Variants in BCLAF1 observed in about 807,000 individuals in gnomAD.
The protein encoded by BCLAF1 is BCL2 associated transcription factor 1, also known as bcl-2-associated transcription factor 1.
BCLAF1 carries 10 observed loss-of-function variants against 99.5 expected under a neutral mutation model. That is an observed-to-expected ratio of 0.10 (90% CI 0.06 to 0.17). The LOEUF (loss-of-function observed/expected upper bound fraction) is 0.17, where lower values mean the gene tolerates loss of function less well. Ranked by LOEUF, BCLAF1 falls within the 10% of genes least tolerant of loss-of-function variation. The pLI is 1.00. For synonymous variants in BCLAF1, 255 were observed against 370.9 expected, an observed-to-expected ratio of 0.69 and a Z score of 3.59; for missense variants, 636 against 1,105.8, an observed-to-expected ratio of 0.58 and a Z score of 6.02.
At chr6:136,277,428 C>A (rs1284351302) in intron 4 of BCLAF1, among the ~76,000 whole-genome samples, 1 of 152,168 alleles carries the variant, frequency 6.6e-6, no homozygotes, top group East Asian at 1.9e-4. Flanking sequence ...CAACATATAT[C>A]ATTTAGTTAT....
Position 136,282,686 on chromosome 6 carries a change from TC to T in BCLAF1, c.-114del, listed in dbSNP as rs1784536480. On this transcript the variant is annotated splice_region_variant and 5_prime_UTR_variant, in exon 2 of 13. Coordinates refer to ENST00000531224, the MANE Select transcript of BCLAF1 (RefSeq NM_014739.3). ...GAGAAATTAAACTCTAAATTCGAAT[TC>T]CTAGCAAAGACAAAAAAACCATTAT... 6.6e-6 allele frequency: 1 copy of T among 152,168 alleles called. No homozygotes were observed. The highest frequency in any genetic ancestry group is 1.5e-5 in the Non-Finnish European group (1 of 68,024). 9.4% of individuals were successfully genotyped at this position (152,168 alleles called of 1,614,324 possible).
At chr6:136,264,108 C>T (rs1253571460) in intron 11 of BCLAF1, among the ~76,000 whole-genome samples, 1 of 152,076 alleles carries the variant, frequency 6.6e-6, no homozygotes, top group African/African-American at 2.4e-5. Context: ...AATAATGGCC[C>T]CAACTCAAAA....
rs1242722909 is a variant in BCLAF1, at chr6:136,284,128, G to GTATATATATATA, written c.-114-1442_-114-1441insTATATATATATA. On this transcript the variant is annotated intron_variant, in intron 1 of 12. Coordinates refer to ENST00000531224, the MANE Select transcript of BCLAF1 (RefSeq NM_014739.3). ...TATATACATATATATGTGTGTGTGT[G>GTATATATATATA]TGTATATATATATATATATATATAT... 6.4e-3 allele frequency among the ~76,000 whole-genome samples: 523 copies of GTATATATATATA among 81,208 alleles called. 5 individuals carry two copies. Among genetic ancestry groups the GTATATATATATA allele is most frequent in the African/African-American group, 0.022 (478 of 22,052 alleles). 53.3% of individuals were successfully genotyped at this position (81,208 alleles called of 152,430 possible).
At chr6:136,288,348 G>C (rs1785448071) in intron 1 of BCLAF1, among the ~76,000 whole-genome samples, 1 of 152,146 alleles carries the variant, frequency 6.6e-6, no homozygotes, top group African/African-American at 2.4e-5. Flanking sequence ...AACTCCCGCC[G>C]AGGGGCCACT....
intron 6 of BCLAF1, among the ~76,000 whole-genome samples, chr6:136,275,042 A>T (rs1404901967): frequency 6.6e-6 from 1 of 152,056 alleles, no homozygotes; most frequent in Non-Finnish European, 1.5e-5. Context: ...ATTTTTATGT[A>T]TAAAAAATTA....
rs541023619 is a variant in BCLAF1 at position 136,264,275 on chromosome 6, T to C, written c.2544+2754A>G. 2.0e-5 allele frequency among the ~76,000 whole-genome samples: 3 copies of C among 152,276 alleles called. No individual in the cohort carries two copies. The South Asian group carries it at 6.2e-4, about 32-fold the overall frequency. On this transcript the variant is annotated intron_variant, in intron 11 of 12. Transcript: ENST00000531224. Reference sequence around the variant, plus strand: ...AGGCTGGAGTATAATGGCGCAACCTTGGCTCACTGCAACCTCCACCACTTG... The same window carrying C: ...AGGCTGGAGTATAATGGCGCAACCTCGGCTCACTGCAACCTCCACCACTTG...
rs1460538551 is a variant in BCLAF1, at chr6:136,275,845, G to A, written c.1680C>T (p.Asn560=). The change falls in exon 5 of 13, where the codon AAC becomes AAT. Residue 560 remains asparagine (N), a splice_region_variant and synonymous_variant. Coordinates refer to ENST00000531224, the MANE Select transcript of BCLAF1 (RefSeq NM_014739.3). ...ACTGGGCATCAATATGGAATTACCTGTTAGAATCATCAAGAGGAACAGGTG... is the reference window on the plus strand; with the variant it reads ...ACTGGGCATCAATATGGAATTACCTATTAGAATCATCAAGAGGAACAGGTG... ...KMAPVPLDDS[N]RPASLTKDRL... 5 of 1,611,300 alleles carry A rather than the reference G, an allele frequency of 3.1e-6. No homozygotes were observed. Among genetic ancestry groups the A allele is most frequent in the African/African-American group, 1.3e-5 (1 of 74,924 alleles).
intron 1 of BCLAF1, among the ~76,000 whole-genome samples, chr6:136,282,993 A>G (rs1243771061): frequency 6.6e-6 from 1 of 151,960 alleles, no homozygotes; most frequent in Non-Finnish European, 1.5e-5. Flanking sequence ...ATTCCAACGT[A>G]GCTAACATAA....
intron 1 of BCLAF1, among the ~76,000 whole-genome samples, chr6:136,289,223 G>C (rs777940487): frequency 6.6e-6 from 1 of 152,266 alleles, no homozygotes; most frequent in Non-Finnish European, 1.5e-5. Flanking sequence ...GCGGGTCACA[G>C]TTATTTTCTC....
At chr6:136,279,063 T>C (rs901869477) in intron 3 of BCLAF1, among the ~76,000 whole-genome samples, 1 of 150,650 alleles carries the variant, frequency 6.6e-6, no homozygotes, top group Admixed American at 6.6e-5. Context: ...TAGGACATAT[T>C]AGCAAATTGT....
chr6:136,279,689 CTG>C, intron 3 of BCLAF1, 72 bp downstream of exon 3: 2 of 1,312,186 alleles, frequency 1.5e-6, no homozygotes, highest in Non-Finnish European at 2.0e-6. Context: ...GGGTTTAGCA[CTG>C]TGTTTACGAT....
At position 136,274,301 on chromosome 6, in the gene BCLAF1, T is replaced by A. The variant is rs1286572392; in HGVS notation, c.1853-1114A>T. Reference sequence around the variant, plus strand: ...TTATGAAACATTACTACAGTTCTTTTAAAAAAAAAAAAAGAAAAAAGAAAA... The same window carrying A: ...TTATGAAACATTACTACAGTTCTTTAAAAAAAAAAAAAAGAAAAAAGAAAA... On this transcript the variant is annotated intron_variant, in intron 6 of 12. Transcript: ENST00000531224. The A allele has an allele frequency of 7.0e-4, 128 of 183,726 alleles. 1 individual carries two copies. The highest frequency in any genetic ancestry group is 1.7e-3 in the South Asian group (13 of 7,454). The allele number at this position is 183,726 out of a possible 1,614,324, so 11.4% of individuals were successfully genotyped here.
chr6:136,275,624 G>A lies in BCLAF1; in HGVS notation c.1760C>T (p.Ser587Phe). 6.3e-7 allele frequency: 1 copy of A among 1,598,416 alleles called. No individual in the cohort carries two copies. The highest frequency in any genetic ancestry group is 8.5e-7 in the Non-Finnish European group (1 of 1,173,882). Reference protein sequence around the residue: ...HSVKKEQEFRSIFDHIKLPQA... With the variant: ...HSVKKEQEFRFIFDHIKLPQA... ...TGGCAACTTAATGTGGTCAAAGATGGATCGGAATTCTTGCTCCTTCTTGAC... is the reference window on the plus strand; with the variant it reads ...TGGCAACTTAATGTGGTCAAAGATGAATCGGAATTCTTGCTCCTTCTTGAC... Residue 587 changes from serine (S) to phenylalanine (F), a missense_variant, in exon 6 of 13, where the codon TCC becomes TTC. Coordinates refer to ENST00000531224, the MANE Select transcript of BCLAF1 (RefSeq NM_014739.3).
chr6:136,270,187 A>G (rs970886015), intron 8 of BCLAF1: 2 of 151,966 alleles, frequency 1.3e-5, no homozygotes, highest in Non-Finnish European at 2.9e-5. Context: ...TATTAATGAA[A>G]CCAATTGGTT....
chr6:136,288,648 T>C (rs1050808895), intron 1 of BCLAF1, among the ~76,000 whole-genome samples: 13 of 152,242 alleles, frequency 8.5e-5, no homozygotes, highest in African/African-American at 3.1e-4. Flanking sequence ...AGTCTTAATT[T>C]GTTTCCAGTT....
rs374866313 is a variant in BCLAF1, at chr6:136,259,028, G to A, written c.*2082C>T. The stretch of plus-strand genomic sequence containing the variant: ...GGAACCATTCAACTTTTATAATATC[G>A]TAAAGCGTGGAGTTAAGATGTGTTT... On this transcript the variant is annotated 3_prime_UTR_variant, in exon 13 of 13. Coordinates refer to ENST00000531224, the MANE Select transcript of BCLAF1 (RefSeq NM_014739.3). The A allele has an allele frequency of 6.6e-5, 10 of 152,378 alleles. No individual in the cohort carries two copies. The South Asian group carries it at 1.2e-3, about 19-fold the overall frequency. 9.4% of individuals were successfully genotyped at this position (152,378 alleles called of 1,614,324 possible). A position where few individuals can be genotyped will look rare whatever the true frequency, so the allele number is the denominator to read the frequency against.
At chr6:136,273,245 T>G in intron 6 of BCLAF1, 58 bp from the exon 7 acceptor site, 1 of 1,451,858 alleles carries the variant, frequency 6.9e-7, no homozygotes, top group Non-Finnish European at 9.6e-7. Flanking sequence ...GAGAGATTTG[T>G]TTGTGACAGA....
intron 6 of BCLAF1, among the ~76,000 whole-genome samples, chr6:136,275,014 T>C (rs995387717): frequency 6.6e-6 from 1 of 151,762 alleles, no homozygotes; most frequent in African/African-American, 2.4e-5. Context: ...ATAAATTTTC[T>C]TGTTTTATCA....
chr6:136,278,942 C>T (rs1370085878), intron 3 of BCLAF1, among the ~76,000 whole-genome samples, 166 bp from the exon 4 acceptor site: 1 of 151,414 alleles, frequency 6.6e-6, no homozygotes, highest in Non-Finnish European at 1.5e-5. Context: ...AAAAGCCTCA[C>T]TAAGGTAAAT....
Sources: allele counts gnomAD v4.1 joint callset (sites outside exome capture counted in the v4.1 genomes callset), GRCh38; gene constraint gnomAD v4.1.1; transcripts MANE v1.5; gene names NCBI Gene and HGNC (gene_info 2026-07-23, HGNC 2026-07-21).